The following LDAH variants were observed in gnomAD, a reference collection of about 807,000 sequenced individuals.
The protein encoded by LDAH is lipid droplet-associated hydrolase.
In LDAH, 26 loss-of-function variants were observed where a neutral mutation model predicts 29.6. The observed-to-expected ratio is 0.88, with a 90% CI of 0.64 to 1.22. The LOEUF (loss-of-function observed/expected upper bound fraction) is 1.22, where lower values mean the gene tolerates loss of function less well. LDAH is among the 50% of genes most tolerant of loss of function. The probability of loss-of-function intolerance (pLI) is 0.00; values close to 1 mark genes in which losing one functional copy is unlikely to be tolerated. For missense variants in LDAH, 344 were observed against 387.3 expected, an observed-to-expected ratio of 0.89 and a Z score of 0.94; for synonymous variants, 117 against 133.0, an observed-to-expected ratio of 0.88 and a Z score of 0.83.
Position 20,684,875 on chromosome 2 carries a change from C to A in LDAH, c.*2028G>T. On this transcript the variant is annotated 3_prime_UTR_variant, in exon 7 of 7. Transcript: ENST00000237822. The stretch of plus-strand genomic sequence containing the variant: ...ACTGTTTGTCCATTTTAGTCTAATC[C>A]CTAATGAAACAGAATGAACTTCAGT... The A allele has an allele frequency of 6.5e-7, 1 of 1,547,074 alleles. No individual in the cohort carries two copies. Among genetic ancestry groups the A allele is most frequent in the South Asian group, 1.2e-5 (1 of 83,174 alleles).
rs574627660 is a variant in LDAH at position 20,705,862 on chromosome 2, T to A, written c.704-4210A>T. On this transcript the variant is annotated intron_variant, in intron 5 of 6. Coordinates refer to ENST00000237822, the MANE Select transcript of LDAH (RefSeq NM_021925.4). The stretch of plus-strand genomic sequence containing the variant: ...TTGTTAAGTCTTAGTTTTCACATAG[T>A]TATACCGCATATGAAATTTAAAATT... Among the ~76,000 whole-genome samples the A allele has an allele frequency of 5.3e-5, 8 of 152,304 alleles. No individual in the cohort carries two copies. The East Asian group carries it at 1.5e-3, about 29-fold the overall frequency.
chr2:20,691,603 C>T (rs1663032978), intron 6 of LDAH, among the ~76,000 whole-genome samples: 1 of 152,150 alleles, frequency 6.6e-6, no homozygotes, highest in Admixed American at 6.5e-5. Context: ...AGGCAATCAG[C>T]AGGATGTTTA....
chr2:20,813,703 T>A (rs912783342), intron 1 of LDAH, among the ~76,000 whole-genome samples: 1 of 152,254 alleles, frequency 6.6e-6, no homozygotes, highest in African/African-American at 2.4e-5. Context: ...TAGAATGGTA[T>A]CTTTCCCTCT....
chr2:20,724,939 A>C (rs1407882236), intron 5 of LDAH, among the ~76,000 whole-genome samples: 1 of 152,094 alleles, frequency 6.6e-6, no homozygotes, highest in Non-Finnish European at 1.5e-5. Flanking sequence ...AAGCAAGGGG[A>C]ATTACAGGAG....
At position 20,685,506 on chromosome 2, in the gene LDAH, T is replaced by C. The variant is rs910679592; in HGVS notation, c.*1397A>G. The C allele has an allele frequency of 7.8e-6, 12 of 1,544,680 alleles. No individual in the cohort carries two copies. The highest frequency in any genetic ancestry group is 6.9e-5 in the African/African-American group (5 of 72,888). ...CTCTGAGAAGTCACTTGCTGTGATG[T>C]AGAAGCTATGCCAAAGCACAGTAAC... On this transcript the variant is annotated 3_prime_UTR_variant, in exon 7 of 7. Transcript: ENST00000237822.
At position 20,740,125 on chromosome 2, in the gene LDAH, C is replaced by T; in HGVS notation, c.549G>A (p.Leu183=). 6.2e-7 allele frequency: 1 copy of T among 1,614,076 alleles called. No individual in the cohort carries two copies. Among genetic ancestry groups the T allele is most frequent in the Non-Finnish European group, 8.5e-7 (1 of 1,179,988 alleles). ...CATAGAGAACATATCGAAACCAGCA[C>T]AAAAGTGGAGTGGCAATTCTGCCAT... The part of the protein sequence containing the change: ...SPNGRIATPL[L]CWFRYVLYVT... The change falls in exon 5 of 7, where the codon TTG becomes TTA. Residue 183 remains leucine, a synonymous_variant. Transcript: ENST00000237822.
chr2:20,791,877 T>C (rs1273761973), intron 2 of LDAH, among the ~76,000 whole-genome samples: 1 of 152,196 alleles, frequency 6.6e-6, no homozygotes, highest in Non-Finnish European at 1.5e-5. Context: ...ATTTGAAATA[T>C]CTTCAGACCC....
intron 1 of LDAH, among the ~76,000 whole-genome samples, chr2:20,810,203 CTT>C (rs1672371905): frequency 6.6e-6 from 1 of 152,168 alleles, no homozygotes; most frequent in Non-Finnish European, 1.5e-5. Flanking sequence ...CTGGAAGTAT[CTT>C]TGTTCATATG....
rs147837995 is a variant in LDAH, at chr2:20,725,414, C to T, written c.703+14557G>A. On this transcript the variant is annotated intron_variant, in intron 5 of 6. Coordinates refer to ENST00000237822, the MANE Select transcript of LDAH (RefSeq NM_021925.4). ...ATTAAGAAATAAACGGTAGACCTCACTGTGAGCTTATCTTGCCAAGGGTTA... is the reference window on the plus strand; with the variant it reads ...ATTAAGAAATAAACGGTAGACCTCATTGTGAGCTTATCTTGCCAAGGGTTA... Among the ~76,000 whole-genome samples the T allele has an allele frequency of 5.1e-3, 780 of 152,306 alleles. 8 individuals carry two copies. Among genetic ancestry groups the T allele is most frequent in the African/African-American group, 0.017 (686 of 41,554 alleles).
In LDAH at chr2:20,685,132, CT is replaced by C; in HGVS notation, c.*1770del. The C allele has an allele frequency of 1.7e-6, 1 of 605,130 alleles. No homozygotes were observed. 37.5% of individuals were successfully genotyped at this position (605,130 alleles called of 1,614,324 possible). On this transcript the variant is annotated 3_prime_UTR_variant, in exon 7 of 7. Coordinates refer to ENST00000237822, the MANE Select transcript of LDAH (RefSeq NM_021925.4). Reference sequence around the variant, plus strand: ...ATAGGAATTAAGAATGAGTATCTTTCTTAGGCTCTAAAAACCAGAAATAAGA... The same window carrying C: ...ATAGGAATTAAGAATGAGTATCTTTCTAGGCTCTAAAAACCAGAAATAAGA...
chr2:20,815,360 T>TG (rs776836583), intron 1 of LDAH, among the ~76,000 whole-genome samples: 5 of 151,454 alleles, frequency 3.3e-5, no homozygotes, highest in African/African-American at 4.9e-5. Flanking sequence ...AGTATGGCGC[T>TG]GAAAAAAATA....
At chr2:20,719,068 G>A (rs1244047287) in intron 5 of LDAH, among the ~76,000 whole-genome samples, 1 of 151,578 alleles carries the variant, frequency 6.6e-6, no homozygotes, top group Non-Finnish European at 1.5e-5. Context: ...AAAAATACAG[G>A]CTTCAAATAA....
intron 3 of LDAH, among the ~76,000 whole-genome samples, chr2:20,778,009 T>C (rs1376430691): frequency 6.6e-6 from 1 of 152,180 alleles, no homozygotes; most frequent in South Asian, 2.1e-4. Context: ...ATAATCTAAA[T>C]TGAGATTTCT....
At chr2:20,734,646 A>G (rs2149429717) in intron 5 of LDAH, among the ~76,000 whole-genome samples, 1 of 152,282 alleles carries the variant, frequency 6.6e-6, no homozygotes, top group African/African-American at 2.4e-5. Context: ...ACAGTGCTAT[A>G]ATTTTTGCTT....
In LDAH at chr2:20,774,802, C is replaced by T. The variant is rs758233118; in HGVS notation, c.468+8G>A. The T allele has an allele frequency of 6.2e-7, 1 of 1,612,366 alleles. No individual in the cohort carries two copies. The highest frequency in any genetic ancestry group is 8.5e-7 in the Non-Finnish European group (1 of 1,179,828). ...AGCACCCACAGTTACCTCTGGAGACCTACTTACCGGGAGCTCAGGGACTCG... is the reference window on the plus strand; with the variant it reads ...AGCACCCACAGTTACCTCTGGAGACTTACTTACCGGGAGCTCAGGGACTCG... On this transcript the variant is annotated splice_region_variant and intron_variant, in intron 4 of 6. Transcript: ENST00000237822.
chr2:20,742,574 T>C (rs1338763554), intron 4 of LDAH, among the ~76,000 whole-genome samples: 2 of 152,200 alleles, frequency 1.3e-5, no homozygotes, highest in African/African-American at 2.4e-5. Context: ...TGGATAACTT[T>C]CTTTGCTTTG....
chr2:20,696,485 T>C (rs1200850531), intron 6 of LDAH, among the ~76,000 whole-genome samples: 3 of 152,184 alleles, frequency 2.0e-5, no homozygotes, highest in Admixed American at 2.0e-4. Context: ...CTTCATGTGT[T>C]CTCTTTGGAG....
intron 4 of LDAH, among the ~76,000 whole-genome samples, chr2:20,768,915 T>G (rs960546227): frequency 1.8e-4 from 27 of 152,210 alleles, no homozygotes; most frequent in African/African-American, 5.3e-4. Flanking sequence ...TCCTTTTCTC[T>G]GAGAGATTAA....
At chr2:20,757,829 A>G (rs1668435798) in intron 4 of LDAH, among the ~76,000 whole-genome samples, 1 of 152,032 alleles carries the variant, frequency 6.6e-6, no homozygotes, top group Non-Finnish European at 1.5e-5. Context: ...ATGAAACATC[A>G]GCTCTTCCTG....
Sources: gnomAD v4.1 joint callset for allele counts (sites outside exome capture counted in the v4.1 genomes callset) on GRCh38, gnomAD v4.1.1 for gene constraint, MANE v1.5 for transcripts, NCBI Gene and HGNC (gene_info 2026-07-23, HGNC 2026-07-21) for gene names.